CADM4: variants seen among roughly 807,000 people sequenced by gnomAD.
CADM4 encodes TSLC1-like 2.
CADM4 carries 13 observed loss-of-function variants against 43.9 expected under a neutral mutation model. The ratio of observed to expected loss-of-function variants is 0.30; its 90% CI spans 0.19 to 0.47. The LOEUF is 0.47. CADM4 is among the 20% of genes least tolerant of loss of function. The probability of loss-of-function intolerance (pLI) is 1.00; values close to 1 mark genes in which losing one functional copy is unlikely to be tolerated. For synonymous variants in CADM4, 209 were observed against 220.9 expected (o/e 0.95, Z 0.48); for missense variants, 420 against 527.0 (o/e 0.80, Z 1.99).
chr19:43,636,097 C>CT (rs1283446912), intron 1 of CADM4, among the ~76,000 whole-genome samples: 1 of 152,092 alleles, frequency 6.6e-6, no homozygotes, highest in Non-Finnish European at 1.5e-5. Context: ...ACTTTTGACT[C>CT]TAACTCCCCA....
Position 43,626,400 on chromosome 19 carries a change from G to A in CADM4, c.500-112C>T, listed in dbSNP as rs1324385651. 7.5e-7 allele frequency: 1 copy of A among 1,325,694 alleles called. No individual in the cohort carries two copies. The highest frequency in any genetic ancestry group is 2.5e-5 in the East Asian group (1 of 40,222). 82.1% of individuals were successfully genotyped at this position (1,325,694 alleles called of 1,614,324 possible). A position where few individuals can be genotyped will look rare whatever the true frequency, so the allele number is the denominator to read the frequency against. ...GCCAAGCTCCACCCCTTACCCACAGGCCCCGCCTCTTGTCCTCCAAGCTAC... is the reference window on the plus strand; with the variant it reads ...GCCAAGCTCCACCCCTTACCCACAGACCCCGCCTCTTGTCCTCCAAGCTAC... On this transcript the variant is annotated intron_variant, in intron 4 of 8. Transcript: ENST00000222374. The surrounding 1 kb of genome is among the most constrained non-coding windows in gnomAD (Gnocchi z 5.9).
Position 43,626,299 on chromosome 19 carries a change from C to A in CADM4, c.500-11G>T. 1 of 1,609,034 alleles carries A rather than the reference C, an allele frequency of 6.2e-7. No homozygotes were observed. Among genetic ancestry groups the A allele is most frequent in the Non-Finnish European group, 8.5e-7 (1 of 1,179,396 alleles). The stretch of plus-strand genomic sequence containing the variant: ...GGCTGCTGCTCACTCCTGCCACACC[C>A]CGGTCAGACACTGTCAGGCCACAAT... On this transcript the variant is annotated splice_polypyrimidine_tract_variant and intron_variant, in intron 4 of 8. Transcript: ENST00000222374. This position sits in a 1 kb window ranked among gnomAD's most constrained non-coding sequence, Gnocchi z 5.9.
rs1973524236 is a variant in CADM4, at chr19:43,626,209, G to A, written c.579C>T (p.Asp193=). 3 of 1,613,742 alleles carry A rather than the reference G, an allele frequency of 1.9e-6. No homozygotes were observed. Among genetic ancestry groups the A allele is most frequent in the Middle Eastern group, 1.6e-4 (1 of 6,062 alleles). Residue 193 remains aspartate (D), a synonymous_variant, in exon 5 of 9, where the codon GAC becomes GAT. Coordinates refer to ENST00000222374, the MANE Select transcript of CADM4 (RefSeq NM_145296.2). The surrounding 1 kb of genome is among the most constrained non-coding windows in gnomAD (Gnocchi z 5.9). ...TVRFRVDRKD[D]GGIIICEAQN... is the part of the protein sequence containing the mutation. ...GCGCCTCACAGATGATGATACCACCGTCGTCCTTACGGTCCACACGAAACC... is the reference window on the plus strand; with the variant it reads ...GCGCCTCACAGATGATGATACCACCATCGTCCTTACGGTCCACACGAAACC...
intron 1 of CADM4, among the ~76,000 whole-genome samples, chr19:43,637,791 A>G (rs1222100259): frequency 6.6e-6 from 1 of 152,216 alleles, no homozygotes; most frequent in Admixed American, 6.5e-5. Context: ...GTCAAGATCC[A>G]GGAACTCCAA....
In CADM4 at chr19:43,623,893, G is replaced by A. The variant is rs1240216887; in HGVS notation, c.1057+221C>T. On this transcript the variant is annotated intron_variant, in intron 8 of 8. Transcript: ENST00000222374. The surrounding 1 kb of genome is among the most constrained non-coding windows in gnomAD (Gnocchi z 4.4). ...TGGGATTACAGGCGTGAGCCACCGC[G>A]CCCAACCGCAAATCTATGCTTTTAA... 6.6e-6 allele frequency among the ~76,000 whole-genome samples: 1 copy of A among 152,032 alleles called. No individual in the cohort carries two copies. The highest frequency in any genetic ancestry group is 2.4e-5 in the African/African-American group (1 of 41,408).
chr19:43,637,241 C>G (rs368777716), intron 1 of CADM4, among the ~76,000 whole-genome samples: 1 of 152,132 alleles, frequency 6.6e-6, no homozygotes, highest in African/African-American at 2.4e-5. Flanking sequence ...CCATCTCCCC[C>G]GATTCCTGCT....
At position 43,626,945 on chromosome 19, in the gene CADM4, G is replaced by T. The variant is rs367856126; in HGVS notation, c.365-27C>A. 2 of 1,557,154 alleles carry T rather than the reference G, an allele frequency of 1.3e-6. No individual in the cohort carries two copies. Among genetic ancestry groups the T allele is most frequent in the Non-Finnish European group, 8.7e-7 (1 of 1,150,706 alleles). On this transcript the variant is annotated intron_variant, in intron 3 of 8. Coordinates refer to ENST00000222374, the MANE Select transcript of CADM4 (RefSeq NM_145296.2). The surrounding 1 kb of genome is among the most constrained non-coding windows in gnomAD (Gnocchi z 5.9). ...TGCCGCAGGGAGAAGGGAAGTAAGG[G>T]GTTAAAGAAGGCACGAACGTGGGCT...
At position 43,633,849 on chromosome 19, in the gene CADM4, T is replaced by TA. The variant is rs562387883; in HGVS notation, c.64+5877dup. Among the ~76,000 whole-genome samples, 339 of 147,692 alleles carry TA rather than the reference T, an allele frequency of 2.3e-3. 2 individuals are homozygous for TA. Among genetic ancestry groups the TA allele is most frequent in the South Asian group, 0.016 (72 of 4,610 alleles). ...AGGTGCGTAGCTATGCCCAGCTAAT[T>TA]AAAAAAAAAAAAATTTTTTTTTTTT... On this transcript the variant is annotated intron_variant, in intron 1 of 8. Coordinates refer to ENST00000222374, the MANE Select transcript of CADM4 (RefSeq NM_145296.2).
intron 1 of CADM4, among the ~76,000 whole-genome samples, chr19:43,629,245 G>C (rs1231989728): frequency 6.6e-6 from 1 of 152,158 alleles, no homozygotes; most frequent in Non-Finnish European, 1.5e-5. Context: ...CAAGCCAGAA[G>C]GAACCTGGGT....
chr19:43,625,336 C>G lies in CADM4; in HGVS notation c.756-86G>C. The G allele has an allele frequency of 3.6e-6, 5 of 1,376,746 alleles. No individual in the cohort carries two copies. The South Asian group carries it at 4.1e-5, about 11-fold the overall frequency. 85.3% of individuals were successfully genotyped at this position (1,376,746 alleles called of 1,614,324 possible). The stretch of plus-strand genomic sequence containing the variant: ...TTGTCAAGAATCTAGACATGCAACT[C>G]TCATCCCGCAGGGACCTCCAAATAA... On this transcript the variant is annotated intron_variant, in intron 6 of 8. Coordinates refer to ENST00000222374, the MANE Select transcript of CADM4 (RefSeq NM_145296.2). The surrounding 1 kb of genome is among the most constrained non-coding windows in gnomAD (Gnocchi z 4.5).
At chr19:43,634,188 G>A (rs781000651) in intron 1 of CADM4, among the ~76,000 whole-genome samples, 5 of 152,168 alleles carry the variant, frequency 3.3e-5, no homozygotes, top group Non-Finnish European at 7.3e-5. Flanking sequence ...GATGAGCCCC[G>A]CTCCTGAAGC....
chr19:43,632,174 C>T (rs1358463382), intron 1 of CADM4, among the ~76,000 whole-genome samples: 1 of 152,156 alleles, frequency 6.6e-6, no homozygotes, highest in Non-Finnish European at 1.5e-5. Flanking sequence ...AGGTCAAAAA[C>T]CTAGAAATCA....
At chr19:43,628,328 G>A (rs937714552) in intron 1 of CADM4, among the ~76,000 whole-genome samples, 6 of 151,590 alleles carry the variant, frequency 4.0e-5, no homozygotes, top group African/African-American at 7.3e-5. Flanking sequence ...CCAGCTACTC[G>A]GGAGGCTGAG....
chr19:43,641,024 A>G (rs1973766587), upstream of CADM4, among the ~76,000 whole-genome samples: 2 of 128,070 alleles, frequency 1.6e-5, no homozygotes, highest in South Asian at 5.1e-4. Flanking sequence ...GCTGGAGTGC[A>G]GTGGCACGAT....
At chr19:43,624,341 C>T (rs938535708) in intron 7 of CADM4, 99 bp from the exon 8 acceptor site, 28 of 1,481,116 alleles carry the variant, frequency 1.9e-5, no homozygotes, top group Non-Finnish European at 2.4e-5. Context: ...CACGTCTAAC[C>T]GTGCCCTTTT....
intron 1 of CADM4, among the ~76,000 whole-genome samples, chr19:43,630,681 A>C (rs1248623309): frequency 1.3e-5 from 2 of 151,992 alleles, no homozygotes; most frequent in African/African-American, 4.8e-5. Context: ...TCTTCGTCCA[A>C]ATCTCTGATT....
At position 43,625,248 on chromosome 19, in the gene CADM4, G is replaced by A; in HGVS notation, c.758C>T (p.Pro253Leu). 1 of 1,613,558 alleles carries A rather than the reference G, an allele frequency of 6.2e-7. No individual in the cohort carries two copies. The highest frequency in any genetic ancestry group is 8.5e-7 in the Non-Finnish European group (1 of 1,179,702). ...CCCGCGGTTCCAGCGGATCTGGTTT[G>A]GCCTGGGTGGGGATAAAGTATAGTG... ...LTCAVTGNPR[P>L]NQIRWNRGNE... Residue 253 changes from proline (P) to leucine (L), a missense_variant and splice_region_variant, in exon 7 of 9, where the codon CCA becomes CTA. Pro to Leu is a moderately conservative substitution (Grantham distance 98). Transcript: ENST00000222374. The surrounding 1 kb of genome is among the most constrained non-coding windows in gnomAD (Gnocchi z 4.5).
chr19:43,623,515 G>T lies in CADM4; in HGVS notation c.1058-76C>A, dbSNP rs1973473147. 4.5e-6 allele frequency: 4 copies of T among 897,712 alleles called. No homozygotes were observed. The Admixed American group carries it at 5.1e-5, about 11-fold the overall frequency. The allele number at this position is 897,712 out of a possible 1,614,324, so 55.6% of individuals were successfully genotyped here. A position where few individuals can be genotyped will look rare whatever the true frequency, so the allele number is the denominator to read the frequency against. The stretch of plus-strand genomic sequence containing the variant: ...GGAGTTGGACAGAAGTATAAGGGAA[G>T]AGGGAGACAGACAAGACACATGCCA... On this transcript the variant is annotated intron_variant, in intron 8 of 8. Transcript: ENST00000222374. The surrounding 1 kb of genome is among the most constrained non-coding windows in gnomAD (Gnocchi z 4.4).
upstream of CADM4, chr19:43,639,962 G>C (rs1161670751): frequency 4.9e-5 from 18 of 370,484 alleles, no homozygotes; most frequent in Non-Finnish European, 6.3e-5. Context: ...GGAGACAATC[G>C]GGGGGACGGC....
Sources: allele counts gnomAD v4.1 joint callset (sites outside exome capture counted in the v4.1 genomes callset), GRCh38; gene constraint gnomAD v4.1.1; non-coding constraint Gnocchi (gnomAD v3.1); transcripts MANE v1.5; gene names NCBI Gene and HGNC (gene_info 2026-07-23, HGNC 2026-07-21).